KPNA3: variants seen among roughly 807,000 people sequenced by gnomAD.
The protein encoded by KPNA3 is karyopherin subunit alpha 3, also known as importin subunit alpha-4.
Under a neutral mutation model 73.8 loss-of-function variants are expected in KPNA3, and 13 were observed. The ratio of observed to expected loss-of-function variants is 0.18; its 90% CI spans 0.11 to 0.28. KPNA3 has a LOEUF of 0.28. KPNA3 is among the 10% of genes least tolerant of loss of function. The pLI, the probability that KPNA3 is intolerant of heterozygous loss-of-function variation, is 1.00. For synonymous variants in KPNA3, 186 were observed against 206.9 expected, an observed-to-expected ratio of 0.90 and a Z score of 0.87; for missense variants, 360 against 618.1, an observed-to-expected ratio of 0.58 and a Z score of 4.43.
rs1201718 is a variant in KPNA3, at chr13:49,703,469, T to C, written c.1373-989A>G. Among the ~76,000 whole-genome samples, 11 of 152,296 alleles carry C rather than the reference T, an allele frequency of 7.2e-5. No homozygotes were observed. The East Asian group carries it at 1.2e-3, about 16-fold the overall frequency. On this transcript the variant is annotated intron_variant, in intron 15 of 16. Transcript: ENST00000261667. ...TGCTGGGATTACAGGAGTGAGCCAC[T>C]GCACCCGGCCAATCTTATTAATCTT...
At chr13:49,749,832 A>C (rs1594449273) in intron 1 of KPNA3, among the ~76,000 whole-genome samples, 2 of 152,226 alleles carry the variant, frequency 1.3e-5, no homozygotes, top group South Asian at 4.2e-4. Context: ...TAAATGGCCA[A>C]ACTCACTTAG....
intron 10 of KPNA3, among the ~76,000 whole-genome samples, chr13:49,717,492 C>T (rs1221744255): frequency 2.0e-5 from 3 of 149,160 alleles, no homozygotes; most frequent in Admixed American, 6.7e-5. Context: ...CCTTAGCGAA[C>T]GTATTAGGTT....
chr13:49,739,352 C>G lies in KPNA3; in HGVS notation c.115-6306G>C, dbSNP rs572234054. Among the ~76,000 whole-genome samples, 6 of 152,234 alleles carry G rather than the reference C, an allele frequency of 3.9e-5. No homozygotes were observed. In the East Asian group the frequency reaches 1.2e-3, roughly 29 times the overall value. On this transcript the variant is annotated intron_variant, in intron 2 of 16. Transcript: ENST00000261667. Reference sequence around the variant, plus strand: ...CACGAAGCATTATTCAACCAACACACATGTATTTTGAGAGGCATTATAGCA... The same window carrying G: ...CACGAAGCATTATTCAACCAACACAGATGTATTTTGAGAGGCATTATAGCA...
At chr13:49,705,580 TC>T in intron 15 of KPNA3, 40 bp downstream of exon 15, 1 of 1,584,730 alleles carries the variant, frequency 6.3e-7, no homozygotes. Context: ...GTTTCAGAGT[TC>T]CAGTGCTCAA....
intron 10 of KPNA3, among the ~76,000 whole-genome samples, chr13:49,718,042 G>T (rs1017194516): frequency 6.6e-6 from 1 of 152,010 alleles, no homozygotes; most frequent in Non-Finnish European, 1.5e-5. Context: ...TGTGATCATG[G>T]TATGAAAAAG....
In KPNA3 at chr13:49,700,877, G is replaced by T. The variant is rs1954140596; in HGVS notation, c.*923C>A. On this transcript the variant is annotated 3_prime_UTR_variant, in exon 17 of 17. Transcript: ENST00000261667. ...GATTTTTTTAAAAAACATCACCAAT[G>T]GGTATTTTAGACTTTTGCAGTTTTT... 6.6e-6 allele frequency: 1 copy of T among 152,402 alleles called. No individual in the cohort carries two copies. The highest frequency in any genetic ancestry group is 1.5e-5 in the Non-Finnish European group (1 of 68,022). The allele number at this position is 152,402 out of a possible 1,614,324, so 9.4% of individuals were successfully genotyped here. A position where few individuals can be genotyped will look rare whatever the true frequency, so the allele number is the denominator to read the frequency against.
At chr13:49,761,470 A>G (rs1214658821) in intron 1 of KPNA3, among the ~76,000 whole-genome samples, 1 of 152,248 alleles carries the variant, frequency 6.6e-6, no homozygotes, top group Non-Finnish European at 1.5e-5. Flanking sequence ...CCAGCTCCTA[A>G]CCGCGAGTGA....
chr13:49,752,165 T>G (rs1954668441), intron 1 of KPNA3, among the ~76,000 whole-genome samples: 1 of 152,140 alleles, frequency 6.6e-6, no homozygotes, highest in African/African-American at 2.4e-5. Flanking sequence ...ACATCAACAT[T>G]GTTAAGTATG....
chr13:49,701,666 G>A lies in KPNA3; in HGVS notation c.*134C>T. 1 of 772,882 alleles carries A rather than the reference G, an allele frequency of 1.3e-6. No individual in the cohort carries two copies. Among genetic ancestry groups the A allele is most frequent in the Admixed American group, 1.7e-5 (1 of 58,032 alleles). The allele number at this position is 772,882 out of a possible 1,614,324, so 47.9% of individuals were successfully genotyped here. On this transcript the variant is annotated 3_prime_UTR_variant, in exon 17 of 17. Coordinates refer to ENST00000261667, the MANE Select transcript of KPNA3 (RefSeq NM_002267.4). ...GGCAACTGCAAAGTGACTGAGACAT[G>A]GCTTGCTTTAGAAGCATCAAAACAA...
At position 49,700,156 on chromosome 13, in the gene KPNA3, C is replaced by T. The variant is rs966753436; in HGVS notation, c.*1644G>A. The T allele has an allele frequency of 6.6e-6, 1 of 152,646 alleles. No individual in the cohort carries two copies. Among genetic ancestry groups the T allele is most frequent in the East Asian group, 1.9e-4 (1 of 5,206 alleles). 9.5% of individuals were successfully genotyped at this position (152,646 alleles called of 1,614,324 possible). On this transcript the variant is annotated 3_prime_UTR_variant, in exon 17 of 17. Transcript: ENST00000261667. Reference sequence around the variant, plus strand: ...CTTTAGATACAAGACAAAACTCACTCTTTAAAGTGGCTCCACCTTGGCAGA... The same window carrying T: ...CTTTAGATACAAGACAAAACTCACTTTTTAAAGTGGCTCCACCTTGGCAGA...
chr13:49,735,178 A>G (rs1211514991), intron 2 of KPNA3, among the ~76,000 whole-genome samples: 1 of 152,158 alleles, frequency 6.6e-6, no homozygotes, highest in African/African-American at 2.4e-5. Context: ...GCTGCAGTGC[A>G]ATGGTGCGAT....
chr13:49,763,678 T>C lies in KPNA3; in HGVS notation c.70-16685A>G, dbSNP rs570696424. ...GGCCAGGTGCAGTGCCTCACACCTG[T>C]AATCCCAGCACTTTGGAGGCCTAGG... On this transcript the variant is annotated intron_variant, in intron 1 of 16. Transcript: ENST00000261667. Among the ~76,000 whole-genome samples the C allele has an allele frequency of 3.9e-5, 6 of 152,300 alleles. No homozygotes were observed. The South Asian group carries it at 1.0e-3, about 26-fold the overall frequency.
chr13:49,722,430 A>C, intron 8 of KPNA3, 47 bp downstream of exon 8: 1 of 1,332,704 alleles, frequency 7.5e-7, no homozygotes, highest in African/African-American at 1.5e-5. Flanking sequence ...CAATGTAGGA[A>C]AAAAGTTAAT....
intron 2 of KPNA3, among the ~76,000 whole-genome samples, chr13:49,739,354 T>C (rs1453181063): frequency 6.6e-6 from 1 of 152,184 alleles, no homozygotes; most frequent in Non-Finnish European, 1.5e-5. Context: ...CCAACACACA[T>C]GTATTTTGAG....
chr13:49,757,405 T>C (rs183675682), intron 1 of KPNA3, among the ~76,000 whole-genome samples: 1 of 152,214 alleles, frequency 6.6e-6, no homozygotes, highest in East Asian at 1.9e-4. Flanking sequence ...GAAAAAATAT[T>C]TCATGGAAGA....
chr13:49,765,671 C>A (rs935496067), intron 1 of KPNA3, among the ~76,000 whole-genome samples: 3 of 152,100 alleles, frequency 2.0e-5, no homozygotes, highest in Admixed American at 1.3e-4. Context: ...ACCTTTTATC[C>A]TTTAGCAGAC....
chr13:49,760,651 A>C lies in KPNA3; in HGVS notation c.70-13658T>G, dbSNP rs903351612. 5.9e-4 allele frequency among the ~76,000 whole-genome samples: 90 copies of C among 152,158 alleles called. 1 individual carries two copies. Among genetic ancestry groups the C allele is most frequent in the African/African-American group, 1.8e-3 (73 of 41,428 alleles). On this transcript the variant is annotated intron_variant, in intron 1 of 16. Transcript: ENST00000261667. ...ACCCAGATAGCTGGTGAAAGCATTAATTATCCTCAGTGGTTCAGACAGCAC... is the reference window on the plus strand; with the variant it reads ...ACCCAGATAGCTGGTGAAAGCATTACTTATCCTCAGTGGTTCAGACAGCAC...
rs144498647 is a variant in KPNA3 at position 49,741,647 on chromosome 13, G to A, written c.114+5302C>T. On this transcript the variant is annotated intron_variant, in intron 2 of 16. Coordinates refer to ENST00000261667, the MANE Select transcript of KPNA3 (RefSeq NM_002267.4). ...TTTTTGTATTTTTGGTAGAGATGGG[G>A]TTTCACCCGTGTTACCCAGGATGGT... 7.1e-3 allele frequency among the ~76,000 whole-genome samples: 1,083 copies of A among 152,180 alleles called. 7 individuals are homozygous for A. The highest frequency in any genetic ancestry group is 0.025 in the African/African-American group (1,020 of 41,524).
intron 2 of KPNA3, among the ~76,000 whole-genome samples, chr13:49,746,382 G>A (rs1475026453): frequency 1.3e-5 from 2 of 152,154 alleles, no homozygotes; most frequent in African/African-American, 4.8e-5. Context: ...GCCAGCTGAG[G>A]TGGGAGGATC....
Sources: allele counts gnomAD v4.1 joint callset (sites outside exome capture counted in the v4.1 genomes callset), GRCh38; gene constraint gnomAD v4.1.1; transcripts MANE v1.5; gene names NCBI Gene and HGNC (gene_info 2026-07-23, HGNC 2026-07-21).